Variants in ATP2C2 observed in about 807,000 individuals in gnomAD.
ATP2C2 encodes the protein calcium-transporting ATPase type 2C member 2.
Under a neutral mutation model 110.8 loss-of-function variants are expected in ATP2C2, and 171 were observed. The observed-to-expected ratio is 1.54, with a 90% confidence interval of 1.36 to 1.75. The LOEUF (loss-of-function observed/expected upper bound fraction) is 1.75. ATP2C2 is among the 40% of genes most tolerant of loss of function. The pLI is 0.00. For synonymous variants in ATP2C2, 804 were observed against 508.4 expected, an observed-to-expected ratio of 1.58 and a Z score of -7.82; for missense variants, 1,963 against 1,235.0, an observed-to-expected ratio of 1.59 and a Z score of -8.84.
chr16:84,463,892 C>T lies in ATP2C2; in HGVS notation c.*160C>T, dbSNP rs764051888. 151 of 656,108 alleles carry T rather than the reference C, an allele frequency of 2.3e-4. No homozygotes were observed. Among genetic ancestry groups the T allele is most frequent in the South Asian group, 1.0e-3 (53 of 53,124 alleles). The allele number at this position is 656,108 out of a possible 1,614,324, so 40.6% of individuals were successfully genotyped here. A position where few individuals can be genotyped will look rare whatever the true frequency, so the allele number is the denominator to read the frequency against. On this transcript the variant is annotated 3_prime_UTR_variant, in exon 27 of 27. Transcript: ENST00000262429. The stretch of plus-strand genomic sequence containing the variant: ...AAAGCTGCAGGAACCTCGTGGGCTC[C>T]AGGGACCCAGGCCCACATCCATCCA...
chr16:84,422,751 T>C, intron 9 of ATP2C2, 54 bp downstream of exon 9: 1 of 1,528,192 alleles, frequency 6.5e-7, no homozygotes. Flanking sequence ...TTGAGATTAT[T>C]ATAGGCAAAT....
intron 11 of ATP2C2, among the ~76,000 whole-genome samples, chr16:84,437,057 C>T (rs958024732): frequency 4.9e-4 from 74 of 151,982 alleles, no homozygotes; most frequent in Non-Finnish European, 6.2e-4. Context: ...CCGCCACACC[C>T]GGCCTTTTTC....
rs1208907817 is a variant in ATP2C2, at chr16:84,460,691, C to T, written c.2371C>T (p.Gln791Ter). Residue 791 changes from glutamine (Q) to a stop codon, truncating the protein, a stop_gained, in exon 24 of 27, where the codon CAG becomes TAG. Transcript: ENST00000262429. LOFTEE classifies it high-confidence loss of function. ...VEPVDKDAFR[Q>*]PPRSVRDTIL... ...GCCCGTTGACAAAGACGCCTTCAGG[C>T]AGCCACCACGGAGTGTGCGGGACAC... is the stretch of plus-strand genomic sequence containing the variant. 3 of 1,614,108 alleles carry T rather than the reference C, an allele frequency of 1.9e-6. No homozygotes were observed. The highest frequency in any genetic ancestry group is 2.5e-6 in the Non-Finnish European group (3 of 1,180,050).
intron 26 of ATP2C2, chr16:84,462,442 G>A (rs1911474222): frequency 3.4e-6 from 1 of 292,550 alleles, no homozygotes; most frequent in Non-Finnish European, 6.5e-6. Context: ...GAGGGAGCAA[G>A]GCCTGTACTC....
chr16:84,428,348 C>T (rs887019490), intron 11 of ATP2C2, among the ~76,000 whole-genome samples: 3 of 152,132 alleles, frequency 2.0e-5, no homozygotes, highest in Non-Finnish European at 2.9e-5. Flanking sequence ...ATTTTTTCAA[C>T]GACACTGCAT....
intron 15 of ATP2C2, 69 bp from the exon 16 acceptor site, chr16:84,446,260 A>C: frequency 1.1e-6 from 1 of 870,712 alleles, no homozygotes; most frequent in Non-Finnish European, 1.7e-6. Flanking sequence ...AATAATTTAA[A>C]TGGACTGAGC....
chr16:84,389,217 C>T (rs1904503121), intron 1 of ATP2C2, among the ~76,000 whole-genome samples: 1 of 152,192 alleles, frequency 6.6e-6, no homozygotes, highest in Non-Finnish European at 1.5e-5. Flanking sequence ...TTCTTCTCAG[C>T]ACCTTCATGC....
intron 4 of ATP2C2, among the ~76,000 whole-genome samples, chr16:84,409,613 C>G (rs1335706581): frequency 6.6e-6 from 1 of 152,146 alleles, no homozygotes; most frequent in Admixed American, 6.5e-5. Flanking sequence ...CTGCCTCAGC[C>G]TTCTGAGCAG....
At chr16:84,394,767 C>G (rs540728153) in intron 1 of ATP2C2, among the ~76,000 whole-genome samples, 6 of 152,104 alleles carry the variant, frequency 3.9e-5, no homozygotes, top group Non-Finnish European at 5.9e-5. Flanking sequence ...AGGGTTTTCT[C>G]CTGTGTCTCC....
At chr16:84,408,264 C>G in intron 3 of ATP2C2, 141 bp from the exon 4 acceptor site, 4 of 758,566 alleles carry the variant, frequency 5.3e-6, no homozygotes, top group Non-Finnish European at 8.8e-6. Flanking sequence ...GGTGGTCTCC[C>G]CAGCCCTCGG....
chr16:84,376,271 T>C (rs1454014796), intron 1 of ATP2C2, among the ~76,000 whole-genome samples: 1 of 152,156 alleles, frequency 6.6e-6, no homozygotes, highest in African/African-American at 2.4e-5. Flanking sequence ...GGCGATGAGG[T>C]TGCCATGAGG....
chr16:84,437,569 G>A (rs142424737), intron 11 of ATP2C2, among the ~76,000 whole-genome samples: 14 of 152,190 alleles, frequency 9.2e-5, no homozygotes, highest in East Asian at 7.7e-4. Flanking sequence ...AGGCTGGAGC[G>A]CAGTGGCGCA....
At chr16:84,455,076 G>A (rs1381868615) in intron 21 of ATP2C2, 92 bp downstream of exon 21, 4 of 1,502,104 alleles carry the variant, frequency 2.7e-6, no homozygotes, top group Non-Finnish European at 3.6e-6. Context: ...ATAGAGGGGG[G>A]GGTCTCGCGG....
rs192290863 is a variant in ATP2C2 at position 84,454,821 on chromosome 16, C to T, written c.1984C>T (p.Leu662=). 3.6e-4 allele frequency: 569 copies of T among 1,598,426 alleles called. 2 individuals are homozygous for T. The highest frequency in any genetic ancestry group is 3.4e-4 in the Admixed American group (19 of 56,226). The change falls in exon 21 of 27, where the codon CTG becomes TTG. Residue 662 remains leucine, a synonymous_variant. Coordinates refer to ENST00000262429, the MANE Select transcript of ATP2C2 (RefSeq NM_014861.4). ...TCATTGCCTGCTCTTTCCAAAGGCT[C>T]TGCAGGAGTCAGGGGCGATCGTGGC... ...PKHKLKIIKA[L]QESGAIVAMT... is the part of the protein sequence containing the mutation.
Position 84,413,832 on chromosome 16 carries a change from A to C in ATP2C2, c.516-1651A>C, listed in dbSNP as rs1010590187. ...TACTCCATCCCTGGTGCAGGCATCAAATATTTATTGAGCACCTACTGTATG... is the reference window on the plus strand; with the variant it reads ...TACTCCATCCCTGGTGCAGGCATCACATATTTATTGAGCACCTACTGTATG... On this transcript the variant is annotated intron_variant, in intron 6 of 26. Coordinates refer to ENST00000262429, the MANE Select transcript of ATP2C2 (RefSeq NM_014861.4). 3.3e-5 allele frequency among the ~76,000 whole-genome samples: 5 copies of C among 152,246 alleles called. No homozygotes were observed. The East Asian group carries it at 9.7e-4, about 29-fold the overall frequency.
chr16:84,454,725 A>C, intron 20 of ATP2C2, 93 bp from the exon 21 acceptor site: 3 of 1,334,910 alleles, frequency 2.2e-6, no homozygotes, highest in Non-Finnish European at 3.0e-6. Context: ...CCCTCCAGAC[A>C]GAGGTGTCTG....
At chr16:84,448,799 A>C (rs56097035) in intron 17 of ATP2C2, 110 bp downstream of exon 17, 3 of 1,427,628 alleles carry the variant, frequency 2.1e-6, no homozygotes, top group African/African-American at 2.9e-5. Context: ...CCAAGGAGTC[A>C]GGCAGCATGC....
chr16:84,381,121 G>T (rs1910556400), intron 1 of ATP2C2, among the ~76,000 whole-genome samples: 1 of 152,324 alleles, frequency 6.6e-6, no homozygotes, highest in African/African-American at 2.4e-5. Flanking sequence ...AAGGGTGGTG[G>T]ATTATCATTA....
At chr16:84,404,775 C>T in intron 2 of ATP2C2, 1 of 354,550 alleles carries the variant, frequency 2.8e-6, no homozygotes, top group South Asian at 2.2e-5. Flanking sequence ...CACACAGTTT[C>T]CATAACAGCT....
Sources: allele counts gnomAD v4.1 joint callset (sites outside exome capture counted in the v4.1 genomes callset), GRCh38; gene constraint gnomAD v4.1.1; transcripts MANE v1.5; gene names NCBI Gene and HGNC (gene_info 2026-07-23, HGNC 2026-07-21).